The following NR4A1 variants were observed in gnomAD, a reference collection of about 807,000 sequenced individuals.
NR4A1 encodes the protein nuclear receptor subfamily 4immunitygroup A member 1.
In NR4A1, 24 loss-of-function variants were observed where a neutral mutation model predicts 47.5. The observed-to-expected ratio is 0.50, with a 90% CI of 0.37 to 0.71. The LOEUF is 0.71. NR4A1 is among the 30% of genes least tolerant of loss of function. NR4A1 has a pLI of 0.00. For missense variants in NR4A1, 669 were observed against 788.6 expected (o/e 0.85, Z 1.82); for synonymous variants, 353 against 345.7 (o/e 1.02, Z -0.24).
intron 2 of NR4A1, among the ~76,000 whole-genome samples, chr12:52,046,171 C>A (rs1006865691): frequency 6.6e-6 from 1 of 152,192 alleles, no homozygotes; most frequent in Non-Finnish European, 1.5e-5. Flanking sequence ...GGAGGGGCAG[C>A]GTGGGAAAAG....
intron 2 of NR4A1, chr12:52,055,607 G>C (rs1479911885): frequency 2.2e-6 from 1 of 445,894 alleles, no homozygotes; most frequent in Non-Finnish European, 4.0e-6. Context: ...TTTGGTTCTT[G>C]AGGGCTGGGG....
intron 1 of NR4A1, among the ~76,000 whole-genome samples, chr12:52,051,818 A>T (rs948391139): frequency 6.6e-6 from 1 of 151,658 alleles, no homozygotes; most frequent in Non-Finnish European, 1.5e-5. Flanking sequence ...GGGAGTAGGG[A>T]CTTGTCCAGC....
chr12:52,041,148 T>G (rs370470244), intron 1 of NR4A1, among the ~76,000 whole-genome samples: 1 of 152,220 alleles, frequency 6.6e-6, no homozygotes. Flanking sequence ...GTAGTAGATA[T>G]GTGTATCCAG....
chr12:52,025,769 C>A (rs1473416668), intron 1 of NR4A1, among the ~76,000 whole-genome samples: 1 of 152,170 alleles, frequency 6.6e-6, no homozygotes, highest in Non-Finnish European at 1.5e-5. Flanking sequence ...TAGCTTTTTG[C>A]GTAAATGTGA....
At position 52,054,862 on chromosome 12, in the gene NR4A1, C is replaced by G. The variant is rs753701363; in HGVS notation, c.534C>G (p.Pro178=). The G allele has an allele frequency of 1.2e-6, 2 of 1,614,058 alleles. No individual in the cohort carries two copies. The highest frequency in any genetic ancestry group is 1.1e-5 in the South Asian group (1 of 91,086). The part of the protein sequence containing the change: ...EGLRAWTEQL[P]KASGPPQPPA... ...TGCGGGCATGGACAGAGCAGCTGCCCAAAGCCTCTGGGCCCCCACAGCCTC... is the reference window on the plus strand; with the variant it reads ...TGCGGGCATGGACAGAGCAGCTGCCGAAAGCCTCTGGGCCCCCACAGCCTC... Residue 178 remains proline, a synonymous_variant, in exon 2 of 7, where the codon CCC becomes CCG. Coordinates refer to ENST00000394825, the MANE Select transcript of NR4A1 (RefSeq NM_173157.3).
intron 1 of NR4A1, chr12:52,038,372 C>A (rs941788055): frequency 3.1e-4 from 77 of 246,538 alleles, no homozygotes; most frequent in African/African-American, 1.7e-3. Flanking sequence ...AGGCTCATTC[C>A]CTTTTTATGC....
At position 52,054,819 on chromosome 12, in the gene NR4A1, G is replaced by A. The variant is rs1380205647; in HGVS notation, c.491G>A (p.Ser164Asn). 6.2e-7 allele frequency: 1 copy of A among 1,613,586 alleles called. No individual in the cohort carries two copies. The highest frequency in any genetic ancestry group is 8.5e-7 in the Non-Finnish European group (1 of 1,179,958). The change falls in exon 2 of 7, where the codon AGC becomes AAC. Residue 164 changes from serine (S) to asparagine (N), a missense_variant. Physicochemically the swap from Ser to Asn is conservative, Grantham distance 46. Coordinates refer to ENST00000394825, the MANE Select transcript of NR4A1 (RefSeq NM_173157.3). ...WDGSFGHFSP[S>N]QTYEGLRAWT... ...GGCTCCTTCGGCCACTTCTCGCCCA[G>A]CCAGACTTACGAAGGCCTGCGGGCA...
rs1055147258 is a variant in NR4A1 at position 52,059,436 on chromosome 12, T to G, written c.*492T>G. 6.5e-6 allele frequency: 1 copy of G among 153,190 alleles called. No homozygotes were observed. Among genetic ancestry groups the G allele is most frequent in the African/African-American group, 2.4e-5 (1 of 41,454 alleles). 9.5% of individuals were successfully genotyped at this position (153,190 alleles called of 1,614,324 possible). On this transcript the variant is annotated 3_prime_UTR_variant, in exon 7 of 7. Transcript: ENST00000394825. ...TTTATATTTGTGTATTTTCCTGGAT[T>G]TATAGTATGTGACTTTTCTGATTAA...
intron 1 of NR4A1, among the ~76,000 whole-genome samples, chr12:52,028,371 C>A (rs992167684): frequency 6.6e-6 from 1 of 151,348 alleles, no homozygotes; most frequent in African/African-American, 2.4e-5. Context: ...GTCAAGTGAT[C>A]GAGACCATCC....
chr12:52,039,625 C>T (rs1468618604), intron 1 of NR4A1, among the ~76,000 whole-genome samples: 2 of 152,236 alleles, frequency 1.3e-5, no homozygotes, highest in African/African-American at 4.8e-5. Flanking sequence ...CATCCACCAC[C>T]CTTCCACGCA....
chr12:52,037,663 G>T, intron 1 of NR4A1: 1 of 985,494 alleles, frequency 1.0e-6, no homozygotes, highest in Non-Finnish European at 1.2e-6. Context: ...CAAGGGTGGG[G>T]TTTGGCCCAC....
chr12:52,053,948 C>A (rs1420539013), intron 1 of NR4A1: 4 of 226,366 alleles, frequency 1.8e-5, no homozygotes, highest in Non-Finnish European at 3.5e-5. Flanking sequence ...TCCCACTCAC[C>A]CTTCTCCCGG....
chr12:52,050,963 G>T (rs1268475779), upstream of NR4A1, among the ~76,000 whole-genome samples: 4 of 152,138 alleles, frequency 2.6e-5, no homozygotes, highest in Admixed American at 2.0e-4. Context: ...GGAGGGACCG[G>T]GCGCGGTTGG....
intron 4 of NR4A1, 130 bp downstream of exon 4, chr12:52,056,775 A>T (rs1939294219): frequency 2.4e-6 from 1 of 410,644 alleles, no homozygotes; most frequent in Non-Finnish European, 4.5e-6. Context: ...AAGAAAGAAA[A>T]GCGACTCCCT....
chr12:52,058,993 C>T lies in NR4A1; in HGVS notation c.*49C>T, dbSNP rs372746627. 60 of 1,566,038 alleles carry T rather than the reference C, an allele frequency of 3.8e-5. No individual in the cohort carries two copies. The South Asian group carries it at 4.8e-4, about 13-fold the overall frequency. The stretch of plus-strand genomic sequence containing the variant: ...ACATGCGCACTCTCATATGCCACCC[C>T]ATGTGCCTTTAGTCCACGGACCCCC... On this transcript the variant is annotated 3_prime_UTR_variant, in exon 7 of 7. Transcript: ENST00000394825.
At chr12:52,041,971 G>A (rs1938457596) in intron 2 of NR4A1, 3 of 1,292,330 alleles carry the variant, frequency 2.3e-6, no homozygotes, top group Non-Finnish European at 3.0e-6. Flanking sequence ...CCTCCAGCAG[G>A]TGGGGTTGGG....
chr12:52,048,145 T>C (rs1592295022), upstream of NR4A1, among the ~76,000 whole-genome samples: 1 of 149,154 alleles, frequency 6.7e-6, no homozygotes. Flanking sequence ...CAGCACCATC[T>C]CAAAAACAAA....
chr12:52,031,268 C>T (rs1416752601), intron 1 of NR4A1, among the ~76,000 whole-genome samples: 2 of 151,818 alleles, frequency 1.3e-5, no homozygotes, highest in Admixed American at 6.6e-5. Flanking sequence ...TCAAATGATC[C>T]TCCCATCTCG....
At chr12:52,040,792 C>G (rs2120972012) in intron 1 of NR4A1, among the ~76,000 whole-genome samples, 1 of 152,314 alleles carries the variant, frequency 6.6e-6, no homozygotes, top group East Asian at 1.9e-4. Flanking sequence ...CTCCTCTTTG[C>G]CCCTCCTAGC....
Sources: gnomAD v4.1 joint callset for allele counts (sites outside exome capture counted in the v4.1 genomes callset) on GRCh38, gnomAD v4.1.1 for gene constraint, MANE v1.5 for transcripts, NCBI Gene and HGNC (gene_info 2026-07-23, HGNC 2026-07-21) for gene names.